DYRK1A: variants seen among roughly 807,000 people sequenced by gnomAD.
DYRK1A encodes dual specificity tyrosine-phosphorylation-regulated kinase 1A.
DYRK1A carries 9 observed loss-of-function variants against 79.7 expected under a neutral mutation model. That is an observed-to-expected ratio of 0.11 (90% CI 0.07 to 0.20). The LOEUF (loss-of-function observed/expected upper bound fraction) is 0.20, where lower values mean the gene tolerates loss of function less well. Ranked by LOEUF, DYRK1A falls within the 10% of genes least tolerant of loss-of-function variation. The probability of loss-of-function intolerance (pLI) is 1.00; values close to 1 mark genes in which losing one functional copy is unlikely to be tolerated. For missense variants in DYRK1A, 622 were observed against 956.0 expected (o/e 0.65, Z 4.61); for synonymous variants, 349 against 329.7 (o/e 1.06, Z -0.63).
At chr21:37,411,964 T>C (rs1458531566) in intron 1 of DYRK1A, among the ~76,000 whole-genome samples, 1 of 152,216 alleles carries the variant, frequency 6.6e-6, no homozygotes, top group Non-Finnish European at 1.5e-5. Context: ...TGCCAATCTG[T>C]TTATTGAACA....
intron 1 of DYRK1A, among the ~76,000 whole-genome samples, chr21:37,417,543 T>TTTTTTTC (rs2050378769): frequency 2.2e-5 from 3 of 136,948 alleles, no homozygotes; most frequent in Non-Finnish European, 4.7e-5. Flanking sequence ...TTTTTTTTTT[T>TTTTTTTC]TTTTTTTTTT....
At chr21:37,506,618 A>G (rs1220843652) in intron 11 of DYRK1A, among the ~76,000 whole-genome samples, 3 of 152,164 alleles carry the variant, frequency 2.0e-5, no homozygotes, top group Non-Finnish European at 4.4e-5. Flanking sequence ...ATTTTTTAGC[A>G]TTTATAGTCC....
intron 1 of DYRK1A, among the ~76,000 whole-genome samples, chr21:37,406,209 G>T (rs1349931586): frequency 6.6e-6 from 1 of 152,112 alleles, no homozygotes; most frequent in Non-Finnish European, 1.5e-5. Flanking sequence ...TTTTAAAGCA[G>T]AAGTATTTTC....
At chr21:37,401,565 C>T (rs190168780) in intron 1 of DYRK1A, among the ~76,000 whole-genome samples, 4 of 151,200 alleles carry the variant, frequency 2.6e-5, no homozygotes, top group Admixed American at 1.3e-4. Flanking sequence ...TCACTGCAAC[C>T]TGCGCCTCCT....
At chr21:37,498,465 G>C (rs922205551) in intron 9 of DYRK1A, among the ~76,000 whole-genome samples, 1 of 151,990 alleles carries the variant, frequency 6.6e-6, no homozygotes, top group Admixed American at 6.6e-5. Context: ...GTTTAGTTTT[G>C]GGTTTTCTTC....
intron 2 of DYRK1A, among the ~76,000 whole-genome samples, chr21:37,432,380 G>A (rs562633429): frequency 1.3e-5 from 2 of 152,260 alleles, no homozygotes; most frequent in Non-Finnish European, 2.9e-5. Context: ...GGACAAAAAA[G>A]AAGCAGGATT....
At chr21:37,426,679 G>A (rs1482699465) in intron 2 of DYRK1A, among the ~76,000 whole-genome samples, 1 of 151,670 alleles carries the variant, frequency 6.6e-6, no homozygotes, top group Non-Finnish European at 1.5e-5. Context: ...GGGAGGCCGA[G>A]GCGGGCAGAT....
At chr21:37,430,395 A>G (rs1253196118) in intron 2 of DYRK1A, 2 of 985,208 alleles carry the variant, frequency 2.0e-6, no homozygotes, top group East Asian at 1.1e-4. Flanking sequence ...TTACCACTGG[A>G]TTGAGGTCTG....
intron 2 of DYRK1A, among the ~76,000 whole-genome samples, chr21:37,445,750 G>A (rs2051248596): frequency 6.6e-6 from 1 of 152,102 alleles, no homozygotes; most frequent in Non-Finnish European, 1.5e-5. Flanking sequence ...CCATATCAAA[G>A]CCCAGCACCC....
chr21:37,391,507 A>G lies in DYRK1A; in HGVS notation c.-77+23879A>G, dbSNP rs185525020. The stretch of plus-strand genomic sequence containing the variant: ...CAGTTTTGTGAGAGAACAGAGGTAA[A>G]TGTATGGATTATTCAATATGTTGTT... On this transcript the variant is annotated intron_variant, in intron 1 of 11. Transcript: ENST00000647188. 4.6e-5 allele frequency among the ~76,000 whole-genome samples: 7 copies of G among 152,318 alleles called. No individual in the cohort carries two copies. In the East Asian group the frequency reaches 1.2e-3, roughly 25 times the overall value.
chr21:37,426,508 A>G (rs1602468590), intron 2 of DYRK1A, among the ~76,000 whole-genome samples: 1 of 152,312 alleles, frequency 6.6e-6, no homozygotes, highest in Non-Finnish European at 1.5e-5. Context: ...GAATAAGGAA[A>G]AATCAGAAAA....
intron 1 of DYRK1A, among the ~76,000 whole-genome samples, chr21:37,392,871 T>C (rs2049896936): frequency 1.3e-5 from 2 of 152,242 alleles, no homozygotes; most frequent in Admixed American, 6.5e-5. Context: ...GTCTTTCTGC[T>C]TCCAAGATGG....
chr21:37,453,817 T>C (rs532700454), intron 2 of DYRK1A, among the ~76,000 whole-genome samples: 2 of 152,292 alleles, frequency 1.3e-5, no homozygotes, highest in East Asian at 3.9e-4. Context: ...AAAAGCCTCT[T>C]TTTTTACGTA....
intron 11 of DYRK1A, among the ~76,000 whole-genome samples, chr21:37,510,686 C>T (rs1192220187): frequency 3.3e-5 from 5 of 151,994 alleles, no homozygotes; most frequent in African/African-American, 9.7e-5. Context: ...GTGGCTAGGC[C>T]GTCTTCCAGG....
chr21:37,470,965 A>T (rs2052202297), intron 2 of DYRK1A, among the ~76,000 whole-genome samples: 1 of 152,232 alleles, frequency 6.6e-6, no homozygotes, highest in Non-Finnish European at 1.5e-5. Context: ...AAACATTATT[A>T]ATCATGTAGA....
intron 1 of DYRK1A, among the ~76,000 whole-genome samples, chr21:37,415,953 A>T (rs2148420407): frequency 6.6e-6 from 1 of 152,262 alleles, no homozygotes; most frequent in South Asian, 2.1e-4. Context: ...TAGTGCATAT[A>T]GGGGCTAAAA....
rs35292922 is a variant in DYRK1A, at chr21:37,411,049, T to TAAAAAAAA, written c.-76-9231_-76-9224dup. ...GGGCGACAGAGTGAGATTCTGTCTT[T>TAAAAAAAA]AAAAAAAAAAAAAAAAAAAAAAAAA... On this transcript the variant is annotated intron_variant, in intron 1 of 11. Coordinates refer to ENST00000647188, the MANE Select transcript of DYRK1A (RefSeq NM_001347721.2). Among the ~76,000 whole-genome samples, 67 of 56,442 alleles carry TAAAAAAAA rather than the reference T, an allele frequency of 1.2e-3. 1 individual carries two copies. Among genetic ancestry groups the TAAAAAAAA allele is most frequent in the Non-Finnish European group, 1.6e-3 (52 of 33,266 alleles). 37.0% of individuals were successfully genotyped at this position (56,442 alleles called of 152,430 possible). A position where few individuals can be genotyped will look rare whatever the true frequency, so the allele number is the denominator to read the frequency against.
Position 37,488,483 on chromosome 21 carries a change from C to T in DYRK1A, c.638-1692C>T, listed in dbSNP as rs577038768. On this transcript the variant is annotated intron_variant, in intron 6 of 11. Transcript: ENST00000647188. ...AACATCTACTTCTTTACTGTGTAGC[C>T]AAATTTCTTATCTGGATTATTTGGT... The T allele has an allele frequency of 1.9e-4, 153 of 814,466 alleles. No homozygotes were observed. The South Asian group carries it at 2.2e-3, about 12-fold the overall frequency. 50.5% of individuals were successfully genotyped at this position (814,466 alleles called of 1,614,324 possible). A position where few individuals can be genotyped will look rare whatever the true frequency, so the allele number is the denominator to read the frequency against.
At chr21:37,373,706 C>T (rs1054976161) in intron 1 of DYRK1A, among the ~76,000 whole-genome samples, 1 of 152,192 alleles carries the variant, frequency 6.6e-6, no homozygotes, top group Non-Finnish European at 1.5e-5. Context: ...AAGTTGCATA[C>T]ATGATTTTTC....
Sources: allele counts gnomAD v4.1 joint callset (sites outside exome capture counted in the v4.1 genomes callset), GRCh38; gene constraint gnomAD v4.1.1; transcripts MANE v1.5; gene names NCBI Gene and HGNC (gene_info 2026-07-23, HGNC 2026-07-21).